The following GID4 variants were observed in gnomAD, a reference collection of about 807,000 sequenced individuals.
The protein encoded by GID4 is glucose-induced degradation protein 4 homolog.
In GID4, 7 loss-of-function variants were observed where a neutral mutation model predicts 32.4. The observed-to-expected ratio is 0.22, with a 90% CI of 0.12 to 0.41. The LOEUF (loss-of-function observed/expected upper bound fraction) is 0.41, where lower values mean the gene tolerates loss of function less well. Among genes scored for constraint, GID4 ranks in the 10% least tolerant of loss-of-function variants. The probability of loss-of-function intolerance (pLI) is 1.00; values close to 1 mark genes in which losing one functional copy is unlikely to be tolerated. For synonymous variants in GID4, 166 were observed against 170.0 expected, an observed-to-expected ratio of 0.98 and a Z score of 0.18; for missense variants, 309 against 400.0, an observed-to-expected ratio of 0.77 and a Z score of 1.94.
chr17:18,062,443 G>A (rs893619849), intron 5 of GID4, among the ~76,000 whole-genome samples: 1 of 152,140 alleles, frequency 6.6e-6, no homozygotes, highest in African/African-American at 2.4e-5. Context: ...GGACAGTCCT[G>A]TCCAGTGTGT....
intron 5 of GID4, among the ~76,000 whole-genome samples, chr17:18,063,042 C>A (rs1018602784): frequency 6.6e-6 from 1 of 150,964 alleles, no homozygotes; most frequent in African/African-American, 2.4e-5. Flanking sequence ...CCATTGCACT[C>A]CAGCCTGGGC....
chr17:18,055,269 A>G (rs1176857289), intron 3 of GID4, among the ~76,000 whole-genome samples: 2 of 152,132 alleles, frequency 1.3e-5, no homozygotes, highest in South Asian at 4.1e-4. Context: ...AAGAAGTTCA[A>G]TGGGTTTACC....
At position 18,045,751 on chromosome 17, in the gene GID4, G is replaced by A. The variant is rs144198728; in HGVS notation, c.498+545G>A. Among the ~76,000 whole-genome samples, 59 of 151,738 alleles carry A rather than the reference G, an allele frequency of 3.9e-4. 1 individual carries two copies. The East Asian group carries it at 0.01, about 27-fold the overall frequency. ...TAAACATAAAAAAAAAAAATTAGCC[G>A]GGCATGGTGGCACAGACCTGTAGTT... On this transcript the variant is annotated intron_variant, in intron 2 of 5. Coordinates refer to ENST00000268719, the MANE Select transcript of GID4 (RefSeq NM_024052.5).
At chr17:18,063,822 A>C (rs763424993) in intron 5 of GID4, among the ~76,000 whole-genome samples, 8 of 152,190 alleles carry the variant, frequency 5.3e-5, no homozygotes, top group Admixed American at 6.5e-5. Context: ...GGCTCACTGC[A>C]ACCTCCGCCT....
intron 3 of GID4, chr17:18,056,559 C>G (rs2044969203): frequency 4.0e-6 from 3 of 742,818 alleles, no homozygotes; most frequent in Non-Finnish European, 6.5e-6. Context: ...CAGCCTCTCT[C>G]CCATTCAACT....
intron 3 of GID4, chr17:18,056,593 C>A: frequency 9.4e-7 from 1 of 1,068,480 alleles, no homozygotes; most frequent in Non-Finnish European, 1.3e-6. Context: ...CATATTGGTC[C>A]TGCAAAAAGC....
Position 18,058,899 on chromosome 17 carries a change from A to G in GID4, c.638A>G (p.Lys213Arg). The G allele has an allele frequency of 6.2e-7, 1 of 1,613,170 alleles. No individual in the cohort carries two copies. Among genetic ancestry groups the G allele is most frequent in the Non-Finnish European group, 8.5e-7 (1 of 1,179,270 alleles). ...GKFLAFYQYA[K>R]SFNSDDFDYE... ...TTTCTGGCTTTTTATCAGTATGCAA[A>G]ATCATTTAACTCAGATGACTTTGAT... The change falls in exon 4 of 6, where the codon AAA becomes AGA. Residue 213 changes from lysine (K) to arginine (R), a missense_variant. This residue lies in a region of GID4 where 116 missense variants were observed against 214.2 expected (regional missense o/e 0.54). Coordinates refer to ENST00000268719, the MANE Select transcript of GID4 (RefSeq NM_024052.5).
chr17:18,068,113 AT>A lies in GID4; in HGVS notation c.*2877del, dbSNP rs1294815946. ...ATATTCTCACTAAGGCCTTGAATTG[AT>A]TTTTTTCTCATAAAATAGTCTGATA... On this transcript the variant is annotated 3_prime_UTR_variant, in exon 6 of 6. Coordinates refer to ENST00000268719, the MANE Select transcript of GID4 (RefSeq NM_024052.5). 1 of 152,552 alleles carries A rather than the reference AT, an allele frequency of 6.6e-6. No individual in the cohort carries two copies. Among genetic ancestry groups the A allele is most frequent in the South Asian group, 2.1e-4 (1 of 4,822 alleles). The allele number at this position is 152,552 out of a possible 1,614,324, so 9.4% of individuals were successfully genotyped here.
At chr17:18,045,255 C>T (rs776597268) in intron 2 of GID4, 49 bp downstream of exon 2, 6 of 1,480,424 alleles carry the variant, frequency 4.1e-6, no homozygotes, top group Non-Finnish European at 4.7e-6. Context: ...GTGGTGTGCT[C>T]CACAGGCTCA....
rs560852936 is a variant in GID4, at chr17:18,056,433, C to G, written c.606+2199C>G. ...AGTTGGAAGGGCTCCCTAGTACCAT[C>G]TGCGCCCACCCCTGCCCAGGGCTAG... On this transcript the variant is annotated intron_variant, in intron 3 of 5. Transcript: ENST00000268719. Among the ~76,000 whole-genome samples, 467 of 152,318 alleles carry G rather than the reference C, an allele frequency of 3.1e-3. 1 individual carries two copies. The highest frequency in any genetic ancestry group is 0.01 in the African/African-American group (431 of 41,572).
chr17:18,068,249 TA>T lies in GID4; in HGVS notation c.*3011del, dbSNP rs1400938953. 1 of 152,668 alleles carries T rather than the reference TA, an allele frequency of 6.6e-6. No individual in the cohort carries two copies. Among genetic ancestry groups the T allele is most frequent in the Non-Finnish European group, 1.5e-5 (1 of 68,058 alleles). 9.5% of individuals were successfully genotyped at this position (152,668 alleles called of 1,614,324 possible). A position where few individuals can be genotyped will look rare whatever the true frequency, so the allele number is the denominator to read the frequency against. ...TTTGATTTTGAATCTTAAATGTTTT[TA>T]AAAATTAGACTTGAATGGGCACAAA... is the stretch of plus-strand genomic sequence containing the variant. On this transcript the variant is annotated 3_prime_UTR_variant, in exon 6 of 6. Transcript: ENST00000268719.
intron 5 of GID4, among the ~76,000 whole-genome samples, chr17:18,063,059 G>A (rs2045029877): frequency 6.8e-6 from 1 of 147,654 alleles, no homozygotes; most frequent in Admixed American, 7.0e-5. Context: ...GGGCGACAGA[G>A]CGAGACACCA....
intron 2 of GID4, among the ~76,000 whole-genome samples, chr17:18,052,199 A>G (rs764339577): frequency 2.6e-5 from 4 of 152,050 alleles, no homozygotes; most frequent in African/African-American, 4.8e-5. Context: ...ATCCAGCAAC[A>G]GTGTTAGGAT....
chr17:18,058,516 C>T (rs952545155), intron 3 of GID4, among the ~76,000 whole-genome samples: 9 of 152,186 alleles, frequency 5.9e-5, no homozygotes, highest in East Asian at 1.9e-4. Flanking sequence ...TTTGCTACTT[C>T]GGATTTACTT....
At position 18,065,164 on chromosome 17, in the gene GID4, C is replaced by G. The variant is rs374280999; in HGVS notation, c.840-16C>G. 4 of 1,607,918 alleles carry G rather than the reference C, an allele frequency of 2.5e-6. No homozygotes were observed. The highest frequency in any genetic ancestry group is 2.6e-6 in the Non-Finnish European group (3 of 1,174,484). On this transcript the variant is annotated splice_polypyrimidine_tract_variant and intron_variant, in intron 5 of 5. Coordinates refer to ENST00000268719, the MANE Select transcript of GID4 (RefSeq NM_024052.5). The stretch of plus-strand genomic sequence containing the variant: ...TTAGATGACTACCTCCCGTTTCTGT[C>G]TCCTCCCCCTTGCAGGTATCAGTCC...
chr17:18,041,549 T>G (rs542627339), intron 1 of GID4, among the ~76,000 whole-genome samples: 1 of 152,126 alleles, frequency 6.6e-6, no homozygotes, highest in African/African-American at 2.4e-5. Flanking sequence ...GTATGCCTAA[T>G]GTAGTGATCC....
chr17:18,045,564 T>C (rs1234124764), intron 2 of GID4, among the ~76,000 whole-genome samples: 5 of 152,074 alleles, frequency 3.3e-5, no homozygotes, highest in Non-Finnish European at 7.4e-5. Context: ...AAAAATGAGC[T>C]TTTAAGTTCT....
At chr17:18,058,783 G>A in intron 3 of GID4, 85 bp from the exon 4 acceptor site, 1 of 845,116 alleles carries the variant, frequency 1.2e-6, no homozygotes, top group African/African-American at 1.7e-5. Flanking sequence ...TTGGGAAGGT[G>A]AGTTTACCTG....
At chr17:18,046,157 C>G (rs1023277707) in intron 2 of GID4, among the ~76,000 whole-genome samples, 1 of 152,198 alleles carries the variant, frequency 6.6e-6, no homozygotes, top group Non-Finnish European at 1.5e-5. Flanking sequence ...TTTGTCAGCT[C>G]TCATGGTCTG....
Sources: allele counts gnomAD v4.1 joint callset (sites outside exome capture counted in the v4.1 genomes callset), GRCh38; gene constraint gnomAD v4.1.1; regional missense constraint gnomAD v4.1.1; transcripts MANE v1.5; gene names NCBI Gene and HGNC (gene_info 2026-07-23, HGNC 2026-07-21).